MCC: variants seen among roughly 807,000 people sequenced by gnomAD.
The protein encoded by MCC is colorectal mutant cancer protein.
A neutral mutation model predicts 116.2 loss-of-function variants in MCC; 90 were observed. The ratio of observed to expected loss-of-function variants is 0.77; its 90% confidence interval spans 0.65 to 0.92. MCC has a LOEUF of 0.92. MCC is among the 40% of genes least tolerant of loss of function. The pLI is 0.00. For synonymous variants in MCC, 578 were observed against 510.5 expected (o/e 1.13, Z -1.78); for missense variants, 1,516 against 1,312.2 (o/e 1.16, Z -2.40).
chr5:113,404,144 AT>A (rs1202705365), intron 1 of MCC, among the ~76,000 whole-genome samples: 5 of 152,014 alleles, frequency 3.3e-5, no homozygotes, highest in African/African-American at 1.2e-4. Flanking sequence ...TGGGATTACA[AT>A]TGTGAGCCAC....
At chr5:113,115,317 G>T (rs1009414970) in intron 6 of MCC, among the ~76,000 whole-genome samples, 6 of 152,166 alleles carry the variant, frequency 3.9e-5, no homozygotes, top group Non-Finnish European at 8.8e-5. Flanking sequence ...CCTGAGAAGC[G>T]AAAGACGCCA....
At chr5:113,317,408 G>A (rs1191692618) in intron 3 of MCC, among the ~76,000 whole-genome samples, 1 of 152,126 alleles carries the variant, frequency 6.6e-6, no homozygotes, top group Non-Finnish European at 1.5e-5. Context: ...ACATTACAAT[G>A]GACACTGGTA....
At chr5:113,330,859 A>G (rs1338853307) in intron 3 of MCC, among the ~76,000 whole-genome samples, 1 of 152,230 alleles carries the variant, frequency 6.6e-6, no homozygotes, top group Non-Finnish European at 1.5e-5. Context: ...GAATCATTTT[A>G]AAAAATACTG....
chr5:113,302,773 T>A (rs1463561166), intron 3 of MCC, among the ~76,000 whole-genome samples: 1 of 152,176 alleles, frequency 6.6e-6, no homozygotes, highest in Non-Finnish European at 1.5e-5. Context: ...GCTGTCCAAG[T>A]GTATGTGTAC....
chr5:113,231,517 T>G (rs767695473), intron 3 of MCC, among the ~76,000 whole-genome samples: 1 of 146,922 alleles, frequency 6.8e-6, no homozygotes, highest in African/African-American at 2.7e-5. Context: ...AGGACATGGG[T>G]GATGTTTCAC....
intron 2 of MCC, among the ~76,000 whole-genome samples, chr5:113,346,802 T>C (rs1034291583): frequency 6.6e-6 from 1 of 151,932 alleles, no homozygotes; most frequent in African/African-American, 2.4e-5. Flanking sequence ...AGGTCAAGGA[T>C]AAAGAAAGTA....
At chr5:113,361,842 C>A (rs1308818306) in intron 2 of MCC, among the ~76,000 whole-genome samples, 1 of 152,218 alleles carries the variant, frequency 6.6e-6, no homozygotes, top group African/African-American at 2.4e-5. Flanking sequence ...ATTCTGGGTT[C>A]TTTGGCCTTG....
chr5:113,390,953 C>A (rs1769385946), intron 1 of MCC, among the ~76,000 whole-genome samples: 1 of 152,110 alleles, frequency 6.6e-6, no homozygotes, highest in African/African-American at 2.4e-5. Context: ...TCTCTAATTT[C>A]AGTTCTACAA....
chr5:113,074,664 T>C (rs1026352786), intron 11 of MCC, among the ~76,000 whole-genome samples: 2 of 152,178 alleles, frequency 1.3e-5, no homozygotes, highest in African/African-American at 4.8e-5. Context: ...AATGGCTAAC[T>C]AGAATAAACA....
intron 3 of MCC, among the ~76,000 whole-genome samples, chr5:113,181,738 A>T (rs1007172): frequency 6.6e-6 from 1 of 151,980 alleles, no homozygotes; most frequent in Admixed American, 6.6e-5. Context: ...ATCTGCCTGG[A>T]GAGTTCCCTT....
intron 2 of MCC, among the ~76,000 whole-genome samples, chr5:113,345,417 T>C (rs1416445428): frequency 3.9e-5 from 6 of 152,178 alleles, no homozygotes; most frequent in South Asian, 2.1e-4. Context: ...TGAGTGAACA[T>C]AGGCAGTAGC....
At chr5:113,343,328 A>G (rs1414930734) in intron 2 of MCC, among the ~76,000 whole-genome samples, 5 of 152,200 alleles carry the variant, frequency 3.3e-5, no homozygotes, top group African/African-American at 1.2e-4. Flanking sequence ...TTCTGTCACT[A>G]TATTTGCAAT....
chr5:113,463,413 T>C (rs1205335503), intron 1 of MCC, among the ~76,000 whole-genome samples: 1 of 152,102 alleles, frequency 6.6e-6, no homozygotes, highest in African/African-American at 2.4e-5. Flanking sequence ...ATTAGGGTAA[T>C]CATAAGGGAG....
intron 14 of MCC, among the ~76,000 whole-genome samples, chr5:113,060,631 CAACA>C (rs1489757599): frequency 6.6e-6 from 1 of 152,170 alleles, no homozygotes; most frequent in Non-Finnish European, 1.5e-5. Context: ...CTTAGTTTTA[CAACA>C]AACATACAGT....
At chr5:113,184,961 A>G (rs1229326104) in intron 3 of MCC, among the ~76,000 whole-genome samples, 1 of 152,212 alleles carries the variant, frequency 6.6e-6, no homozygotes, top group Non-Finnish European at 1.5e-5. Flanking sequence ...TTTGTCTACA[A>G]ACCCAAATCT....
At chr5:113,258,810 AT>A (rs760688883) in intron 3 of MCC, among the ~76,000 whole-genome samples, 2 of 152,232 alleles carry the variant, frequency 1.3e-5, no homozygotes, top group Non-Finnish European at 2.9e-5. Context: ...CTCCTGTTAA[AT>A]GCTGTGACTC....
intron 6 of MCC, among the ~76,000 whole-genome samples, chr5:113,115,199 C>A (rs1232766770): frequency 2.0e-5 from 3 of 152,142 alleles, no homozygotes; most frequent in African/African-American, 7.2e-5. Flanking sequence ...GTGTGCTCCT[C>A]CTCCCTTGAG....
chr5:113,071,151 A>T lies in MCC; in HGVS notation c.1868T>A (p.Met623Lys). ...ATTGGATTCGTATTTTCCCACCAGCATGCTCATCCTCTCGGCATTGCTTTT... is the reference window on the plus strand; with the variant it reads ...ATTGGATTCGTATTTTCCCACCAGCTTGCTCATCCTCTCGGCATTGCTTTT... The part of the protein sequence containing the change: ...ECKSNAERMS[M>K]LVGKYESNAT... The change falls in exon 12 of 19, where the codon ATG becomes AAG. Residue 623 changes from methionine to lysine, a missense_variant. Coordinates refer to ENST00000408903, the MANE Select transcript of MCC (RefSeq NM_001085377.2). 1 of 1,614,214 alleles carries T rather than the reference A, an allele frequency of 6.2e-7. No individual in the cohort carries two copies. The highest frequency in any genetic ancestry group is 8.5e-7 in the Non-Finnish European group (1 of 1,180,034).
chr5:113,286,033 T>A (rs1324744713), intron 3 of MCC, among the ~76,000 whole-genome samples: 1 of 152,224 alleles, frequency 6.6e-6, no homozygotes, highest in Non-Finnish European at 1.5e-5. Context: ...AAACAACAAC[T>A]TCAAAGACTG....
Sources: allele counts gnomAD v4.1 joint callset (sites outside exome capture counted in the v4.1 genomes callset), GRCh38; gene constraint gnomAD v4.1.1; transcripts MANE v1.5; gene names NCBI Gene and HGNC (gene_info 2026-07-23, HGNC 2026-07-21).